The following STOM variants were observed in gnomAD, a reference collection of about 807,000 sequenced individuals.
The protein encoded by STOM is erythrocyte band 7 integral membrane protein.
Under a neutral mutation model 30.6 loss-of-function variants are expected in STOM, and 25 were observed. The ratio of observed to expected loss-of-function variants is 0.82; its 90% confidence interval spans 0.60 to 1.14. The LOEUF is 1.14. Among genes scored for constraint, STOM ranks in the 50% most tolerant of loss-of-function variants. The pLI is 0.00. For missense variants in STOM, 292 were observed against 365.2 expected, an observed-to-expected ratio of 0.80 and a Z score of 1.63; for synonymous variants, 118 against 130.8, an observed-to-expected ratio of 0.90 and a Z score of 0.67.
chr9:121,345,372 T>C (rs549047209), intron 6 of STOM, among the ~76,000 whole-genome samples: 11 of 152,222 alleles, frequency 7.2e-5, no homozygotes, highest in Non-Finnish European at 1.3e-4. Context: ...AGCTGTCTAG[T>C]GTGACATCCG....
chr9:121,366,037 A>G (rs1336898461), intron 1 of STOM: 2 of 806,182 alleles, frequency 2.5e-6, no homozygotes, highest in African/African-American at 3.7e-5. Context: ...CAAATCTCTT[A>G]AGTGATGGTA....
intron 4 of STOM, 49 bp downstream of exon 4, chr9:121,353,171 G>T (rs752262269): frequency 9.0e-7 from 1 of 1,106,332 alleles, no homozygotes; most frequent in Non-Finnish European, 1.3e-6. Context: ...GTCCCTCATT[G>T]TAAAGCACTT....
rs1795565564 is a variant in STOM at position 121,341,114 on chromosome 9, A to G, written c.*88T>C. The G allele has an allele frequency of 3.2e-6, 5 of 1,585,738 alleles. No homozygotes were observed. The highest frequency in any genetic ancestry group is 3.4e-6 in the Non-Finnish European group (4 of 1,164,478). Reference sequence around the variant, plus strand: ...TGGGAACACCACAATTGACATATGGAAAAAGAAAAGCCCTACCCTCTCTTT... The same window carrying G: ...TGGGAACACCACAATTGACATATGGGAAAAGAAAAGCCCTACCCTCTCTTT... On this transcript the variant is annotated 3_prime_UTR_variant, in exon 7 of 7. Transcript: ENST00000286713.
intron 1 of STOM, among the ~76,000 whole-genome samples, chr9:121,358,306 TA>T (rs202011233): frequency 6.6e-6 from 1 of 151,606 alleles, no homozygotes; most frequent in Admixed American, 6.6e-5. Flanking sequence ...TGAAACTTCT[TA>T]AAAAAAATTA....
At chr9:121,348,288 G>A in intron 5 of STOM, 139 bp from the exon 6 acceptor site, 1 of 1,182,362 alleles carries the variant, frequency 8.5e-7, no homozygotes, top group Non-Finnish European at 1.2e-6. Context: ...TGGAACGAAT[G>A]GTGACGCAGG....
At chr9:121,361,172 G>A (rs2064447359) in intron 1 of STOM, among the ~76,000 whole-genome samples, 1 of 152,006 alleles carries the variant, frequency 6.6e-6, no homozygotes, top group Non-Finnish European at 1.5e-5. Context: ...ATAGCTCAGA[G>A]GTGAGGCTTA....
chr9:121,360,331 T>C (rs928414890), intron 1 of STOM, among the ~76,000 whole-genome samples: 2 of 152,214 alleles, frequency 1.3e-5, no homozygotes, highest in Non-Finnish European at 2.9e-5. Flanking sequence ...AGGATTTTAA[T>C]CTTTTATTAT....
intron 1 of STOM, among the ~76,000 whole-genome samples, chr9:121,368,775 T>A (rs559041310): frequency 6.6e-6 from 1 of 152,104 alleles, no homozygotes; most frequent in South Asian, 2.1e-4. Context: ...ACCCTGTATC[T>A]ACAAAAAATA....
In STOM at chr9:121,340,186, AAGAC is replaced by A. The variant is rs1346637866; in HGVS notation, c.*1012_*1015del. The A allele has an allele frequency of 3.0e-6, 3 of 985,490 alleles. No individual in the cohort carries two copies. The African/African-American group carries it at 5.2e-5, about 17-fold the overall frequency. 61.0% of individuals were successfully genotyped at this position (985,490 alleles called of 1,614,324 possible). A position where few individuals can be genotyped will look rare whatever the true frequency, so the allele number is the denominator to read the frequency against. ...TGTGACAAATATTTAGCTGGTTTGA[AAGAC>A]AGAACAAGGAGGAATCATTTACTCA... On this transcript the variant is annotated 3_prime_UTR_variant, in exon 7 of 7. Transcript: ENST00000286713.
intron 1 of STOM, among the ~76,000 whole-genome samples, chr9:121,360,043 C>T (rs986521622): frequency 6.6e-6 from 1 of 152,188 alleles, no homozygotes. Flanking sequence ...GCATTTGGTG[C>T]CTTTTCAAAT....
intron 1 of STOM, among the ~76,000 whole-genome samples, chr9:121,367,585 C>T (rs1261638144): frequency 2.0e-5 from 3 of 152,242 alleles, no homozygotes; most frequent in Non-Finnish European, 2.9e-5. Flanking sequence ...TACAGTGATA[C>T]ATTCTTTGCA....
Position 121,340,185 on chromosome 9 carries a change from A to G in STOM, c.*1017T>C. The G allele has an allele frequency of 1.0e-6, 1 of 985,474 alleles. No homozygotes were observed. The highest frequency in any genetic ancestry group is 1.2e-6 in the Non-Finnish European group (1 of 829,932). The allele number at this position is 985,474 out of a possible 1,614,324, so 61.0% of individuals were successfully genotyped here. A position where few individuals can be genotyped will look rare whatever the true frequency, so the allele number is the denominator to read the frequency against. On this transcript the variant is annotated 3_prime_UTR_variant, in exon 7 of 7. Coordinates refer to ENST00000286713, the MANE Select transcript of STOM (RefSeq NM_004099.6). ...TTGTGACAAATATTTAGCTGGTTTG[A>G]AAGACAGAACAAGGAGGAATCATTT... is the stretch of plus-strand genomic sequence containing the variant.
intron 5 of STOM, among the ~76,000 whole-genome samples, chr9:121,348,649 C>T (rs1401346806): frequency 6.6e-6 from 1 of 152,198 alleles, no homozygotes; most frequent in African/African-American, 2.4e-5. Flanking sequence ...ATATCAAATA[C>T]AATCATAGAT....
intron 6 of STOM, among the ~76,000 whole-genome samples, chr9:121,345,256 C>T (rs1380687226): frequency 6.6e-6 from 1 of 152,146 alleles, no homozygotes; most frequent in Non-Finnish European, 1.5e-5. Context: ...AGACTGTTTT[C>T]CACAGTGGTT....
In STOM at chr9:121,370,226, C is replaced by A; in HGVS notation, c.-39G>T. 6.5e-7 allele frequency: 1 copy of A among 1,534,696 alleles called. No homozygotes were observed. The highest frequency in any genetic ancestry group is 8.8e-7 in the Non-Finnish European group (1 of 1,137,652). Reference sequence around the variant, plus strand: ...CAGTCGCACTCCCCCGTCCTCGTTGCCAAACCCGGAGCCGCCGGGAATGCC... The same window carrying A: ...CAGTCGCACTCCCCCGTCCTCGTTGACAAACCCGGAGCCGCCGGGAATGCC... On this transcript the variant is annotated 5_prime_UTR_variant, in exon 1 of 7. Coordinates refer to ENST00000286713, the MANE Select transcript of STOM (RefSeq NM_004099.6).
At position 121,370,182 on chromosome 9, in the gene STOM, G is replaced by C; in HGVS notation, c.6C>G (p.Ala2=). M[A]EKRHTRDSEA... ...CGGAGTCCCGTGTGTGCCGCTTCTC[G>C]GCCATGCTGCCCGAGACGCAGTCGC... The change falls in exon 1 of 7, where the codon GCC becomes GCG. Residue 2 remains alanine (A), a synonymous_variant. Coordinates refer to ENST00000286713, the MANE Select transcript of STOM (RefSeq NM_004099.6). The C allele has an allele frequency of 6.5e-7, 1 of 1,548,032 alleles. No homozygotes were observed. The highest frequency in any genetic ancestry group is 8.7e-7 in the Non-Finnish European group (1 of 1,146,336).
At chr9:121,351,197 C>T (rs1324277772) in intron 4 of STOM, among the ~76,000 whole-genome samples, 2 of 152,226 alleles carry the variant, frequency 1.3e-5, no homozygotes, top group Non-Finnish European at 2.9e-5. Context: ...TGCCAGATGT[C>T]TGTAATGTTT....
Position 121,339,464 on chromosome 9 carries a change from T to C in STOM, c.*1738A>G. 1 of 1,096,182 alleles carries C rather than the reference T, an allele frequency of 9.1e-7. No individual in the cohort carries two copies. Among genetic ancestry groups the C allele is most frequent in the Non-Finnish European group, 1.2e-6 (1 of 868,118 alleles). The allele number at this position is 1,096,182 out of a possible 1,614,324, so 67.9% of individuals were successfully genotyped here. A position where few individuals can be genotyped will look rare whatever the true frequency, so the allele number is the denominator to read the frequency against. ...TAATAAACTCAGCTAGGAGCCAGGA[T>C]ACATGGTAGTTCAAGGCTTCCTAAA... On this transcript the variant is annotated 3_prime_UTR_variant, in exon 7 of 7. Coordinates refer to ENST00000286713, the MANE Select transcript of STOM (RefSeq NM_004099.6).
rs1589284374 is a variant in STOM, at chr9:121,340,869, A to G, written c.*333T>C. ...TAGCCAGTCAGCGGTGTCAGGTGGC[A>G]GTTACAGCCCAGGTTCTTGCCTCTG... On this transcript the variant is annotated 3_prime_UTR_variant, in exon 7 of 7. Transcript: ENST00000286713. The G allele has an allele frequency of 8.8e-7, 1 of 1,132,064 alleles. No individual in the cohort carries two copies. Among genetic ancestry groups the G allele is most frequent in the Non-Finnish European group, 1.1e-6 (1 of 917,520 alleles). The allele number at this position is 1,132,064 out of a possible 1,614,324, so 70.1% of individuals were successfully genotyped here.
Sources: allele counts gnomAD v4.1 joint callset (sites outside exome capture counted in the v4.1 genomes callset), GRCh38; gene constraint gnomAD v4.1.1; transcripts MANE v1.5; gene names NCBI Gene and HGNC (gene_info 2026-07-23, HGNC 2026-07-21).